CNOT6: variants seen among roughly 807,000 people sequenced by gnomAD.
CNOT6 encodes the protein carbon catabolite repression 4 protein.
A neutral mutation model predicts 61.2 loss-of-function variants in CNOT6; 12 were observed. The ratio of observed to expected loss-of-function variants is 0.20; its 90% CI spans 0.13 to 0.32. The LOEUF is 0.32. Ranked by LOEUF, CNOT6 falls within the 10% of genes least tolerant of loss-of-function variation. The pLI is 1.00. For synonymous variants in CNOT6, 225 were observed against 240.6 expected, an observed-to-expected ratio of 0.94 and a Z score of 0.60; for missense variants, 405 against 663.9, an observed-to-expected ratio of 0.61 and a Z score of 4.28.
rs1032966004 is a variant in CNOT6, at chr5:180,494,439, G to C, written c.-327G>C. ...TTTCAATGAAAACGAGGGGGGCGCG[G>C]AGGAGGAGGCGGCGGCGTCGGTGGC... On this transcript the variant is annotated 5_prime_UTR_variant, in exon 1 of 12. Transcript: ENST00000261951. The C allele has an allele frequency of 3.4e-4, 52 of 154,894 alleles. No individual in the cohort carries two copies. The highest frequency in any genetic ancestry group is 6.7e-4 in the Non-Finnish European group (47 of 69,810). The allele number at this position is 154,894 out of a possible 1,614,324, so 9.6% of individuals were successfully genotyped here.
chr5:180,513,168 A>T (rs1234835460), intron 1 of CNOT6, among the ~76,000 whole-genome samples: 1 of 151,782 alleles, frequency 6.6e-6, no homozygotes, highest in African/African-American at 2.4e-5. Context: ...AAATCCTGGG[A>T]TTACAGGCTT....
intron 1 of CNOT6, among the ~76,000 whole-genome samples, chr5:180,528,373 C>T (rs1041033657): frequency 6.6e-6 from 1 of 152,142 alleles, no homozygotes; most frequent in Non-Finnish European, 1.5e-5. Flanking sequence ...TGCAGTGGCA[C>T]GATCTTGGCT....
At chr5:180,519,407 C>A (rs1757785768) in intron 1 of CNOT6, among the ~76,000 whole-genome samples, 1 of 152,160 alleles carries the variant, frequency 6.6e-6, no homozygotes. Context: ...ATGTCATTAA[C>A]AATGTGATAA....
intron 2 of CNOT6, among the ~76,000 whole-genome samples, chr5:180,530,373 A>G (rs1302538099): frequency 6.6e-6 from 1 of 152,206 alleles, no homozygotes; most frequent in Non-Finnish European, 1.5e-5. Flanking sequence ...AATAGACAAA[A>G]CATAACAAAT....
intron 2 of CNOT6, among the ~76,000 whole-genome samples, chr5:180,546,157 G>A (rs1337793291): frequency 2.0e-5 from 3 of 152,038 alleles, no homozygotes; most frequent in African/African-American, 4.8e-5. Context: ...GCCTCCCAAA[G>A]TGCTGGGATT....
intron 1 of CNOT6, among the ~76,000 whole-genome samples, chr5:180,519,160 C>T (rs1235088440): frequency 6.6e-6 from 1 of 152,252 alleles, no homozygotes; most frequent in Non-Finnish European, 1.5e-5. Context: ...TAAGAGGAAA[C>T]TTTTAAAGAC....
intron 4 of CNOT6, among the ~76,000 whole-genome samples, chr5:180,559,737 G>A (rs1486221326): frequency 2.0e-5 from 3 of 151,540 alleles, no homozygotes; most frequent in Non-Finnish European, 4.4e-5. Flanking sequence ...TGATTTTTCT[G>A]TAGTGGTTTG....
intron 2 of CNOT6, among the ~76,000 whole-genome samples, chr5:180,530,631 G>T (rs1339435463): frequency 6.6e-6 from 1 of 151,728 alleles, no homozygotes; most frequent in Non-Finnish European, 1.5e-5. Flanking sequence ...ATTTGGCAGG[G>T]CCATAGGACA....
At chr5:180,568,502 A>G (rs1029723309) in intron 9 of CNOT6, among the ~76,000 whole-genome samples, 1 of 151,796 alleles carries the variant, frequency 6.6e-6, no homozygotes, top group Non-Finnish European at 1.5e-5. Context: ...CAGTGAGCCA[A>G]GATTGTCACA....
intron 1 of CNOT6, among the ~76,000 whole-genome samples, chr5:180,506,055 T>C (rs1373702993): frequency 6.6e-6 from 1 of 152,202 alleles, no homozygotes; most frequent in Admixed American, 6.5e-5. Context: ...ATCTTGGTCT[T>C]GCAAGTGATA....
intron 2 of CNOT6, among the ~76,000 whole-genome samples, chr5:180,531,269 G>A (rs1208926701): frequency 2.6e-5 from 4 of 151,302 alleles, no homozygotes; most frequent in South Asian, 4.2e-4. Flanking sequence ...CTTCTCAGAC[G>A]GGGTGGCCGG....
At chr5:180,512,853 C>T (rs1296718071) in intron 1 of CNOT6, among the ~76,000 whole-genome samples, 1 of 152,178 alleles carries the variant, frequency 6.6e-6, no homozygotes, top group Non-Finnish European at 1.5e-5. Flanking sequence ...CTGCCTTGGC[C>T]TCCCAAAGTG....
chr5:180,513,356 A>AT (rs1194476416), intron 1 of CNOT6, among the ~76,000 whole-genome samples: 10 of 151,598 alleles, frequency 6.6e-5, no homozygotes, highest in African/African-American at 1.5e-4. Flanking sequence ...CACCTGACTG[A>AT]TTTTTTTTAT....
In CNOT6 at chr5:180,517,777, C is replaced by T. The variant is rs553738675; in HGVS notation, c.-2-11498C>T. Among the ~76,000 whole-genome samples, 44 of 138,480 alleles carry T rather than the reference C, an allele frequency of 3.2e-4. 1 individual carries two copies. In the East Asian group the frequency reaches 6.2e-3, roughly 20 times the overall value. 90.8% of individuals were successfully genotyped at this position (138,480 alleles called of 152,430 possible). A position where few individuals can be genotyped will look rare whatever the true frequency, so the allele number is the denominator to read the frequency against. ...TAGGCTGGTTTCAATTTCTTGACCT[C>T]GTGATCCGCCCGCCTCGGCCTCCCA... is the stretch of plus-strand genomic sequence containing the variant. On this transcript the variant is annotated intron_variant, in intron 1 of 11. Transcript: ENST00000261951.
intron 1 of CNOT6, among the ~76,000 whole-genome samples, chr5:180,514,212 A>C (rs1221058050): frequency 2.6e-5 from 4 of 151,532 alleles, no homozygotes; most frequent in African/African-American, 9.7e-5. Flanking sequence ...TCATGAGGTC[A>C]GGAGTTCGAG....
chr5:180,520,883 C>T (rs142153547), intron 1 of CNOT6, among the ~76,000 whole-genome samples: 61 of 148,612 alleles, frequency 4.1e-4, no homozygotes, highest in African/African-American at 1.3e-3. Flanking sequence ...CTCTTTCTGT[C>T]GCCCAGGCTG....
chr5:180,569,431 A>T, intron 10 of CNOT6, 91 bp downstream of exon 10: 3 of 1,100,198 alleles, frequency 2.7e-6, no homozygotes, highest in Non-Finnish European at 4.0e-6. Context: ...ATTAAGTCCA[A>T]ATAAAAATTC....
chr5:180,523,180 C>T (rs1757950322), intron 1 of CNOT6, among the ~76,000 whole-genome samples: 2 of 152,146 alleles, frequency 1.3e-5, no homozygotes, highest in East Asian at 3.9e-4. Context: ...CACATCTGGT[C>T]ACAAGCGTTT....
chr5:180,499,540 A>G (rs962909893), intron 1 of CNOT6, among the ~76,000 whole-genome samples: 1 of 152,252 alleles, frequency 6.6e-6, no homozygotes, highest in Non-Finnish European at 1.5e-5. Flanking sequence ...TTATACAGTC[A>G]GTTCTGCTGT....
Sources: allele counts gnomAD v4.1 joint callset (sites outside exome capture counted in the v4.1 genomes callset), GRCh38; gene constraint gnomAD v4.1.1; transcripts MANE v1.5; gene names NCBI Gene and HGNC (gene_info 2026-07-23, HGNC 2026-07-21).